The following FAF1 variants were observed in gnomAD, a reference collection of about 807,000 sequenced individuals.
FAF1 encodes the protein FAS-associated factor 1.
In FAF1, 25 loss-of-function variants were observed where a neutral mutation model predicts 92.5. The observed-to-expected ratio is 0.27, with a 90% CI of 0.20 to 0.38. The LOEUF (loss-of-function observed/expected upper bound fraction) is 0.38, where lower values mean the gene tolerates loss of function less well. Among genes scored for constraint, FAF1 ranks in the 10% least tolerant of loss-of-function variants. The pLI, the probability that FAF1 is intolerant of heterozygous loss-of-function variation, is 1.00. For missense variants in FAF1, 636 were observed against 793.3 expected, an observed-to-expected ratio of 0.80 and a Z score of 2.38; for synonymous variants, 234 against 273.2, an observed-to-expected ratio of 0.86 and a Z score of 1.42.
chr1:50,942,819 C>T (rs554730672), intron 1 of FAF1, among the ~76,000 whole-genome samples: 93 of 151,636 alleles, frequency 6.1e-4, no homozygotes, highest in African/African-American at 2.2e-3. Context: ...TAGGGTGACA[C>T]AGAGTGGGCC....
At chr1:50,858,110 A>AT (rs1456106441) in intron 1 of FAF1, 113 bp from the exon 2 acceptor site, 2 of 630,398 alleles carry the variant, frequency 3.2e-6, no homozygotes, top group African/African-American at 3.8e-5. Flanking sequence ...AGGTATATGA[A>AT]TAAAGCCAAA....
At chr1:50,953,997 G>A (rs951146668) in intron 1 of FAF1, among the ~76,000 whole-genome samples, 1 of 151,934 alleles carries the variant, frequency 6.6e-6, no homozygotes, top group African/African-American at 2.4e-5. Flanking sequence ...CGCCCAGGCT[G>A]GAGTGCAGTG....
intron 15 of FAF1, among the ~76,000 whole-genome samples, chr1:50,497,791 A>C (rs2149013580): frequency 6.6e-6 from 1 of 151,834 alleles, no homozygotes; most frequent in Non-Finnish European, 1.5e-5. Context: ...CTCGTGATCC[A>C]CCTGCCTCGG....
intron 3 of FAF1, among the ~76,000 whole-genome samples, chr1:50,794,875 G>A (rs998822762): frequency 1.3e-5 from 2 of 151,434 alleles, no homozygotes; most frequent in East Asian, 1.9e-4. Context: ...GACCTCAGGC[G>A]ATCCACCCGC....
At chr1:50,831,523 C>T (rs1050916068) in intron 2 of FAF1, among the ~76,000 whole-genome samples, 8 of 152,114 alleles carry the variant, frequency 5.3e-5, no homozygotes, top group African/African-American at 1.2e-4. Flanking sequence ...TTCTCTACAC[C>T]GTCCCCTTGT....
At chr1:50,463,342 T>TA (rs771587191) in intron 18 of FAF1, among the ~76,000 whole-genome samples, 55 of 152,308 alleles carry the variant, frequency 3.6e-4, no homozygotes, top group Non-Finnish European at 5.9e-4. Flanking sequence ...TTTTCTTCAA[T>TA]AATTTTGCTT....
intron 18 of FAF1, among the ~76,000 whole-genome samples, chr1:50,453,074 A>C (rs1033816617): frequency 6.6e-6 from 1 of 152,150 alleles, no homozygotes; most frequent in African/African-American, 2.4e-5. Context: ...TCACTTTCCC[A>C]GTTTGTACAC....
chr1:50,659,162 G>T, intron 7 of FAF1, among the ~76,000 whole-genome samples: 1 of 151,318 alleles, frequency 6.6e-6, no homozygotes, highest in South Asian at 2.1e-4. Context: ...TGATACAGAT[G>T]AATTTAAAGT....
intron 7 of FAF1, among the ~76,000 whole-genome samples, chr1:50,677,935 C>T (rs1008109945): frequency 2.0e-5 from 3 of 149,428 alleles, no homozygotes; most frequent in Non-Finnish European, 4.4e-5. Context: ...TAGTTTTTAT[C>T]GAATTATGCA....
At chr1:50,505,867 T>C (rs956345216) in intron 15 of FAF1, among the ~76,000 whole-genome samples, 1 of 152,190 alleles carries the variant, frequency 6.6e-6, no homozygotes, top group Admixed American at 6.5e-5. Flanking sequence ...AATAAAATCC[T>C]AATGGGATTT....
intron 2 of FAF1, among the ~76,000 whole-genome samples, chr1:50,853,012 A>G (rs1644363193): frequency 6.6e-6 from 1 of 152,184 alleles, no homozygotes; most frequent in African/African-American, 2.4e-5. Flanking sequence ...CATCTGTGCA[A>G]ATATAAACCA....
chr1:50,790,777 A>G (rs1313916094), intron 3 of FAF1, among the ~76,000 whole-genome samples: 2 of 151,960 alleles, frequency 1.3e-5, no homozygotes, highest in Non-Finnish European at 1.5e-5. Context: ...AATTAAGCAG[A>G]AAAATATTTA....
rs1369294885 is a variant in FAF1 at position 50,597,908 on chromosome 1, C to T, written c.745-1692G>A. Among the ~76,000 whole-genome samples, 7 of 152,190 alleles carry T rather than the reference C, an allele frequency of 4.6e-5. 1 individual carries two copies. The highest frequency in any genetic ancestry group is 1.7e-4 in the African/African-American group (7 of 41,438). On this transcript the variant is annotated intron_variant, in intron 8 of 18. Transcript: ENST00000396153. ...ACTTTTTCTATTTAGTAACAGGAGA[C>T]GGCTAAGTGTAGAATGGACTTTTAA...
intron 1 of FAF1, among the ~76,000 whole-genome samples, chr1:50,942,403 C>T (rs1645140797): frequency 6.6e-6 from 1 of 151,386 alleles, no homozygotes; most frequent in Admixed American, 6.6e-5. Context: ...TGCCACTGCA[C>T]CACATCACAT....
intron 12 of FAF1, among the ~76,000 whole-genome samples, chr1:50,571,291 G>A (rs1467002733): frequency 6.6e-6 from 1 of 152,198 alleles, no homozygotes; most frequent in Non-Finnish European, 1.5e-5. Flanking sequence ...TTCCCTCTCT[G>A]TAATCTAAGT....
At chr1:50,854,236 C>T (rs1485621659) in intron 2 of FAF1, among the ~76,000 whole-genome samples, 1 of 151,966 alleles carries the variant, frequency 6.6e-6, no homozygotes. Flanking sequence ...ATTCTGGGGC[C>T]CAGATTAGAA....
intron 1 of FAF1, among the ~76,000 whole-genome samples, chr1:50,871,566 G>A (rs760204757): frequency 6.6e-6 from 1 of 152,110 alleles, no homozygotes; most frequent in Non-Finnish European, 1.5e-5. Flanking sequence ...TCTCTAAATG[G>A]AACAACAAAG....
At chr1:50,901,373 C>T (rs1187715327) in intron 1 of FAF1, among the ~76,000 whole-genome samples, 1 of 151,960 alleles carries the variant, frequency 6.6e-6, no homozygotes, top group Non-Finnish European at 1.5e-5. Context: ...CTTCAGCTTC[C>T]CCAAAACACA....
chr1:50,519,574 C>T (rs1419645828), intron 15 of FAF1, among the ~76,000 whole-genome samples: 2 of 152,152 alleles, frequency 1.3e-5, no homozygotes, highest in Non-Finnish European at 2.9e-5. Context: ...ACCTCTAACA[C>T]ATTTTGGTGT....
Sources: allele counts gnomAD v4.1 joint callset (sites outside exome capture counted in the v4.1 genomes callset), GRCh38; gene constraint gnomAD v4.1.1; transcripts MANE v1.5; gene names NCBI Gene and HGNC (gene_info 2026-07-23, HGNC 2026-07-21).